The following SNTG2 variants were observed in gnomAD, a reference collection of about 807,000 sequenced individuals.
SNTG2 encodes syntrophin gamma 2.
A neutral mutation model predicts 70.9 loss-of-function variants in SNTG2; 74 were observed. The observed-to-expected ratio is 1.04, with a 90% CI of 0.86 to 1.27. SNTG2 has a LOEUF of 1.27. Ranked by LOEUF, SNTG2 falls within the 50% of genes most tolerant of loss-of-function variation. The pLI is 0.00. For synonymous variants in SNTG2, 278 were observed against 273.8 expected, an observed-to-expected ratio of 1.02 and a Z score of -0.15; for missense variants, 717 against 690.7, an observed-to-expected ratio of 1.04 and a Z score of -0.43.
intron 9 of SNTG2, among the ~76,000 whole-genome samples, chr2:1,224,832 C>G (rs1484436016): frequency 1.3e-5 from 2 of 152,158 alleles, no homozygotes; most frequent in Non-Finnish European, 2.9e-5. Flanking sequence ...GTTTCCATCC[C>G]AGGAGAAAGA....
chr2:1,218,592 T>C (rs1009201593), intron 9 of SNTG2, among the ~76,000 whole-genome samples: 1 of 152,194 alleles, frequency 6.6e-6, no homozygotes, highest in Non-Finnish European at 1.5e-5. Context: ...AGTGAAGAAA[T>C]ACTTAAGAAC....
intron 1 of SNTG2, among the ~76,000 whole-genome samples, chr2:1,078,961 T>G (rs971801327): frequency 2.4e-4 from 36 of 152,136 alleles, no homozygotes; most frequent in Non-Finnish European, 4.9e-4. Flanking sequence ...GGGTTTTGCT[T>G]TTGTTTTTAA....
chr2:1,253,492 A>C (rs1677880143), intron 12 of SNTG2, among the ~76,000 whole-genome samples: 1 of 152,204 alleles, frequency 6.6e-6, no homozygotes, highest in Non-Finnish European at 1.5e-5. Flanking sequence ...CAGAGCTTCG[A>C]TTCTCAGCAG....
rs1660887239 is a variant in SNTG2, at chr2:1,356,979, G to A, written c.1489-10364G>A. 1.3e-5 allele frequency among the ~76,000 whole-genome samples: 2 copies of A among 151,616 alleles called. 1 individual carries two copies. Among genetic ancestry groups the A allele is most frequent in the South Asian group, 4.2e-4 (2 of 4,818 alleles). ...GTCTATTTTGGATCGTCTGTTGTTA[G>A]TGCGTAGAAATGCAACTTTATTGTG... On this transcript the variant is annotated intron_variant, in intron 16 of 16. Coordinates refer to ENST00000308624, the MANE Select transcript of SNTG2 (RefSeq NM_018968.4).
At chr2:1,170,546 G>A (rs531020926) in intron 7 of SNTG2, among the ~76,000 whole-genome samples, 5 of 152,270 alleles carry the variant, frequency 3.3e-5, no homozygotes, top group African/African-American at 1.2e-4. Flanking sequence ...CTCCGTCTGC[G>A]CCGGACGTTT....
chr2:1,031,594 G>A (rs1404627612), intron 1 of SNTG2, among the ~76,000 whole-genome samples: 4 of 139,976 alleles, frequency 2.9e-5, no homozygotes, highest in Non-Finnish European at 4.5e-5. Context: ...GCAGTGGTGC[G>A]ATCTTGGCTC....
At chr2:1,080,418 C>G (rs1664208508) in intron 1 of SNTG2, among the ~76,000 whole-genome samples, 1 of 152,200 alleles carries the variant, frequency 6.6e-6, no homozygotes, top group Non-Finnish European at 1.5e-5. Context: ...TCAGCTAAAA[C>G]TTTTATTCAT....
intron 2 of SNTG2, among the ~76,000 whole-genome samples, chr2:1,090,844 T>G (rs1664974067): frequency 6.6e-6 from 1 of 152,154 alleles, no homozygotes; most frequent in Non-Finnish European, 1.5e-5. Context: ...AATACCACCC[T>G]TTTGTCTTGA....
intron 2 of SNTG2, among the ~76,000 whole-genome samples, chr2:1,089,329 C>T: frequency 6.6e-6 from 1 of 152,154 alleles, no homozygotes; most frequent in East Asian, 1.9e-4. Context: ...AAATAATGAA[C>T]AGTTTGGCCG....
In SNTG2 at chr2:1,340,578, T is replaced by A. The variant is rs58253265; in HGVS notation, c.1488+24203T>A. Among the ~76,000 whole-genome samples, 1,211 of 152,338 alleles carry A rather than the reference T, an allele frequency of 7.9e-3. 11 individuals are homozygous for A. The highest frequency in any genetic ancestry group is 0.025 in the African/African-American group (1,056 of 41,572). ...TTCTTTCAATTGAAAAAGATTCTAA[T>A]GTGAAATATCTCTAATGTAAGTGCA... On this transcript the variant is annotated intron_variant, in intron 16 of 16. Coordinates refer to ENST00000308624, the MANE Select transcript of SNTG2 (RefSeq NM_018968.4).
intron 14 of SNTG2, among the ~76,000 whole-genome samples, chr2:1,272,106 AG>A (rs1280196183): frequency 2.6e-5 from 4 of 152,074 alleles, no homozygotes; most frequent in Non-Finnish European, 5.9e-5. Context: ...GGATGATTCA[AG>A]CACATTACAT....
chr2:1,255,255 C>A (rs530144260), intron 12 of SNTG2, among the ~76,000 whole-genome samples: 2 of 152,336 alleles, frequency 1.3e-5, no homozygotes, highest in South Asian at 4.1e-4. Context: ...TTCACAGTGG[C>A]TGCTTCCATC....
chr2:1,261,085 TA>T (rs376575198), intron 13 of SNTG2, among the ~76,000 whole-genome samples: 152,229 of 152,230 alleles, frequency 1, 76,114 homozygotes, highest in Non-Finnish European at 1. Context: ...GGTATTAAAC[TA>T]AAAAATGGGG....
intron 2 of SNTG2, among the ~76,000 whole-genome samples, chr2:1,096,018 C>A (rs1435462276): frequency 1.3e-5 from 2 of 152,160 alleles, no homozygotes; most frequent in Non-Finnish European, 2.9e-5. Context: ...GGGAATGAAC[C>A]CCCCCTTGGT....
intron 15 of SNTG2, among the ~76,000 whole-genome samples, chr2:1,314,478 G>A (rs1048028980): frequency 2.6e-5 from 4 of 152,352 alleles, no homozygotes; most frequent in East Asian, 1.9e-4. Context: ...GAGGCTCTCC[G>A]GAGGCAGGTG....
chr2:1,101,931 G>A (rs1252056096), intron 4 of SNTG2, among the ~76,000 whole-genome samples: 2 of 152,252 alleles, frequency 1.3e-5, no homozygotes, highest in African/African-American at 2.4e-5. Flanking sequence ...TTAAGAATGA[G>A]GCAGTTGTAA....
intron 14 of SNTG2, among the ~76,000 whole-genome samples, chr2:1,271,544 T>C (rs560842284): frequency 1.7e-4 from 26 of 152,248 alleles, no homozygotes; most frequent in Non-Finnish European, 3.2e-4. Context: ...TAAGAGAAAG[T>C]TCTTGACTCA....
Position 982,280 on chromosome 2 carries a change from A to G in SNTG2, c.72+31212A>G, listed in dbSNP as rs1661129628. 1.3e-5 allele frequency among the ~76,000 whole-genome samples: 2 copies of G among 152,352 alleles called. 1 individual carries two copies. Among genetic ancestry groups the G allele is most frequent in the East Asian group, 3.9e-4 (2 of 5,190 alleles). Reference sequence around the variant, plus strand: ...TTCACAGTGTATACATTGTTTTAATATAAAGTAAGCCTTACAGTTACCAGT... The same window carrying G: ...TTCACAGTGTATACATTGTTTTAATGTAAAGTAAGCCTTACAGTTACCAGT... On this transcript the variant is annotated intron_variant, in intron 1 of 16. Coordinates refer to ENST00000308624, the MANE Select transcript of SNTG2 (RefSeq NM_018968.4).
chr2:1,243,190 A>G (rs1677159996), intron 11 of SNTG2, among the ~76,000 whole-genome samples: 1 of 152,242 alleles, frequency 6.6e-6, no homozygotes, highest in Non-Finnish European at 1.5e-5. Flanking sequence ...GGCCAACAGT[A>G]GCTCTTTATT....
Sources: gnomAD v4.1 joint callset for allele counts (sites outside exome capture counted in the v4.1 genomes callset) on GRCh38, gnomAD v4.1.1 for gene constraint, MANE v1.5 for transcripts, NCBI Gene and HGNC (gene_info 2026-07-23, HGNC 2026-07-21) for gene names.